Variants in SLC38A4 observed in about 807,000 individuals in gnomAD.
The protein encoded by SLC38A4 is sodium-coupled neutral amino acid transporter 4.
SLC38A4 carries 20 observed loss-of-function variants against 63.1 expected under a neutral mutation model. The observed-to-expected ratio is 0.32, with a 90% CI of 0.22 to 0.46. The LOEUF is 0.46. SLC38A4 is among the 20% of genes least tolerant of loss of function. The probability of loss-of-function intolerance (pLI) is 1.00; values close to 1 mark genes in which losing one functional copy is unlikely to be tolerated. For synonymous variants in SLC38A4, 230 were observed against 225.5 expected, an observed-to-expected ratio of 1.02 and a Z score of -0.18; for missense variants, 526 against 663.6, an observed-to-expected ratio of 0.79 and a Z score of 2.28.
intron 5 of SLC38A4, among the ~76,000 whole-genome samples, chr12:46,787,381 C>T (rs923676730): frequency 1.3e-5 from 2 of 152,124 alleles, no homozygotes; most frequent in Non-Finnish European, 2.9e-5. Flanking sequence ...GAGATCAGGG[C>T]GCGCAGTATT....
chr12:46,799,948 A>G (rs1939095501), intron 2 of SLC38A4, among the ~76,000 whole-genome samples: 1 of 152,158 alleles, frequency 6.6e-6, no homozygotes, highest in East Asian at 1.9e-4. Flanking sequence ...GCATAATATA[A>G]TTAACATTTT....
intron 1 of SLC38A4, among the ~76,000 whole-genome samples, chr12:46,811,521 A>G (rs1939339649): frequency 6.6e-6 from 1 of 152,062 alleles, no homozygotes; most frequent in African/African-American, 2.4e-5. Context: ...ACCACTGGAA[A>G]GGTCAGTGCA....
At chr12:46,796,103 G>T (rs1336837423) in intron 2 of SLC38A4, among the ~76,000 whole-genome samples, 1 of 151,984 alleles carries the variant, frequency 6.6e-6, no homozygotes, top group Non-Finnish European at 1.5e-5. Flanking sequence ...TCATCTTACT[G>T]CTCGATGTTC....
intron 2 of SLC38A4, among the ~76,000 whole-genome samples, chr12:46,803,183 C>T (rs1409503031): frequency 6.6e-6 from 1 of 151,898 alleles, no homozygotes; most frequent in Non-Finnish European, 1.5e-5. Context: ...TATTTGTTTT[C>T]AAGATAAACA....
intron 1 of SLC38A4, among the ~76,000 whole-genome samples, chr12:46,825,165 A>G (rs1233622279): frequency 6.7e-6 from 1 of 149,024 alleles, no homozygotes; most frequent in African/African-American, 2.5e-5. Flanking sequence ...TAATTACTTT[A>G]ATATACGAAG....
At chr12:46,812,667 A>G (rs1458842712) in intron 1 of SLC38A4, among the ~76,000 whole-genome samples, 9 of 152,078 alleles carry the variant, frequency 5.9e-5, no homozygotes, top group Non-Finnish European at 4.4e-5. Context: ...AAAGCAAGGA[A>G]TTTTACAAAC....
intron 7 of SLC38A4, among the ~76,000 whole-genome samples, chr12:46,781,387 A>G (rs1938635161): frequency 6.6e-6 from 1 of 152,038 alleles, no homozygotes; most frequent in Non-Finnish European, 1.5e-5. Context: ...CACAGGAGAT[A>G]TTTCTGATTA....
At chr12:46,782,856 C>A (rs1938671307) in intron 7 of SLC38A4, among the ~76,000 whole-genome samples, 1 of 149,094 alleles carries the variant, frequency 6.7e-6, no homozygotes, top group Admixed American at 6.8e-5. Context: ...GACTCAAATT[C>A]AGGTCCATCA....
At chr12:46,806,710 G>T (rs1184838309) in intron 1 of SLC38A4, among the ~76,000 whole-genome samples, 1 of 151,934 alleles carries the variant, frequency 6.6e-6, no homozygotes, top group African/African-American at 2.4e-5. Flanking sequence ...GAAAGAGAAC[G>T]TATGGTGATA....
chr12:46,768,249 A>T (rs1938338237), intron 16 of SLC38A4, 61 bp downstream of exon 16: 2 of 1,211,596 alleles, frequency 1.7e-6, no homozygotes, highest in African/African-American at 1.5e-5. Flanking sequence ...TGTATTTTCT[A>T]GTTTATTCTA....
chr12:46,801,375 A>G (rs993747426), intron 2 of SLC38A4, among the ~76,000 whole-genome samples: 7 of 152,274 alleles, frequency 4.6e-5, no homozygotes, highest in South Asian at 2.1e-4. Flanking sequence ...AAAGAAAGAC[A>G]TCAAGTCTGG....
At chr12:46,784,494 C>T (rs765631369) in intron 7 of SLC38A4, 48 bp downstream of exon 7, 1 of 1,428,756 alleles carries the variant, frequency 7.0e-7, no homozygotes, top group South Asian at 1.4e-5. Context: ...ATTTATTGAA[C>T]ACGCTATAGA....
At chr12:46,769,200 G>C in intron 15 of SLC38A4, 84 bp downstream of exon 15, 1 of 1,458,196 alleles carries the variant, frequency 6.9e-7, no homozygotes, top group Non-Finnish European at 9.5e-7. Flanking sequence ...ACGGGGATCT[G>C]GATGACCCAG....
chr12:46,806,827 T>C lies in SLC38A4; in HGVS notation c.-304-3033A>G, dbSNP rs143085507. Among the ~76,000 whole-genome samples, 492 of 152,098 alleles carry C rather than the reference T, an allele frequency of 3.2e-3. 4 individuals are homozygous for C. The highest frequency in any genetic ancestry group is 0.011 in the African/African-American group (466 of 41,532). ...CCAATGTAATGTTATCTATTGAAAATACAAGAATGTTGGCTCAAAATACAG... is the reference window on the plus strand; with the variant it reads ...CCAATGTAATGTTATCTATTGAAAACACAAGAATGTTGGCTCAAAATACAG... On this transcript the variant is annotated intron_variant, in intron 1 of 16. Transcript: ENST00000266579.
At position 46,765,005 on chromosome 12, in the gene SLC38A4, T is replaced by C. The variant is rs1465185079; in HGVS notation, c.*1696A>G. On this transcript the variant is annotated 3_prime_UTR_variant, in exon 17 of 17. Transcript: ENST00000266579. ...TATTATTTGGCACTATAGGATGCTCTTGAACATTCAGAAGATACCTTTTTC... is the reference window on the plus strand; with the variant it reads ...TATTATTTGGCACTATAGGATGCTCCTGAACATTCAGAAGATACCTTTTTC... 1 of 152,652 alleles carries C rather than the reference T, an allele frequency of 6.6e-6. No homozygotes were observed. Among genetic ancestry groups the C allele is most frequent in the Admixed American group, 6.6e-5 (1 of 15,266 alleles). 9.5% of individuals were successfully genotyped at this position (152,652 alleles called of 1,614,324 possible).
At chr12:46,771,200 A>T (rs73282192) in intron 14 of SLC38A4, among the ~76,000 whole-genome samples, 326 of 152,264 alleles carry the variant, frequency 2.1e-3, no homozygotes, top group African/African-American at 7.6e-3. Flanking sequence ...ATTCTACATT[A>T]TGATCTGCAA....
intron 1 of SLC38A4, among the ~76,000 whole-genome samples, chr12:46,820,082 G>C (rs1238806458): frequency 2.0e-5 from 3 of 151,834 alleles, no homozygotes; most frequent in African/African-American, 7.2e-5. Context: ...ATACAACGAT[G>C]AGATTGGACA....
At chr12:46,807,152 G>A (rs1225552277) in intron 1 of SLC38A4, among the ~76,000 whole-genome samples, 1 of 151,982 alleles carries the variant, frequency 6.6e-6, no homozygotes, top group Non-Finnish European at 1.5e-5. Context: ...ATTGGAAGAA[G>A]ACATTTAGAA....
intron 1 of SLC38A4, among the ~76,000 whole-genome samples, chr12:46,810,415 T>A (rs1939317395): frequency 6.6e-6 from 1 of 151,700 alleles, no homozygotes; most frequent in African/African-American, 2.4e-5. Flanking sequence ...GGAGGGATAA[T>A]TACATTAGAA....
Sources: allele counts gnomAD v4.1 joint callset (sites outside exome capture counted in the v4.1 genomes callset), GRCh38; gene constraint gnomAD v4.1.1; transcripts MANE v1.5; gene names NCBI Gene and HGNC (gene_info 2026-07-23, HGNC 2026-07-21).